SENP2: variants seen among roughly 807,000 people sequenced by gnomAD.
The protein encoded by SENP2 is SUMO specific peptidase 2, also known as sentrin-specific protease 2.
A neutral mutation model predicts 86.3 loss-of-function variants in SENP2; 16 were observed. That is an observed-to-expected ratio of 0.19 (90% CI 0.13 to 0.28). The LOEUF is 0.28. SENP2 is among the 10% of genes least tolerant of loss of function. The probability of loss-of-function intolerance (pLI) is 1.00; values close to 1 mark genes in which losing one functional copy is unlikely to be tolerated. For missense variants in SENP2, 552 were observed against 703.0 expected (o/e 0.79, Z 2.43); for synonymous variants, 222 against 238.7 (o/e 0.93, Z 0.64).
chr3:185,622,550 ATTATTT>A (rs891447767), intron 14 of SENP2, among the ~76,000 whole-genome samples: 4 of 152,156 alleles, frequency 2.6e-5, no homozygotes, highest in Non-Finnish European at 5.9e-5. Flanking sequence ...AGTATAAAAT[ATTATTT>A]TTATTTATGG....
chr3:185,592,011 C>G (rs75503055), intron 2 of SENP2, among the ~76,000 whole-genome samples: 2 of 65,804 alleles, frequency 3.0e-5, no homozygotes, highest in African/African-American at 5.8e-5. Context: ...GGTAATATTT[C>G]TTTTTTTTTT....
chr3:185,618,153 A>T (rs1242373852), intron 12 of SENP2, among the ~76,000 whole-genome samples: 1 of 152,186 alleles, frequency 6.6e-6, no homozygotes, highest in Non-Finnish European at 1.5e-5. Context: ...CATGTTGGTC[A>T]GGTTGGTCTC....
intron 15 of SENP2, 118 bp from the exon 16 acceptor site, chr3:185,626,180 C>G (rs1475840126): frequency 3.1e-6 from 2 of 642,058 alleles, no homozygotes; most frequent in Non-Finnish European, 5.4e-6. Context: ...TTAGGTAATA[C>G]CTGATTTAAT....
chr3:185,610,439 G>A (rs1722650459), intron 7 of SENP2, among the ~76,000 whole-genome samples: 1 of 152,090 alleles, frequency 6.6e-6, no homozygotes, highest in South Asian at 2.1e-4. Context: ...TGGGATTACA[G>A]GCGTGAGCCA....
chr3:185,627,265 C>A (rs1712193655), intron 16 of SENP2, among the ~76,000 whole-genome samples: 3 of 152,000 alleles, frequency 2.0e-5, no homozygotes, highest in Admixed American at 2.0e-4. Flanking sequence ...TCATTGGTTC[C>A]TGTGTATTAT....
chr3:185,611,636 T>C lies in SENP2; in HGVS notation c.723-15T>C. ...GCTTTTGTATCTGATCTCCCTCACT[T>C]TTTGTGTTTCTAAGTTCTCAAAGAA... On this transcript the variant is annotated splice_polypyrimidine_tract_variant and intron_variant, in intron 7 of 16. Transcript: ENST00000296257. 1.3e-6 allele frequency: 2 copies of C among 1,588,032 alleles called. No homozygotes were observed. The highest frequency in any genetic ancestry group is 1.7e-6 in the Non-Finnish European group (2 of 1,157,348).
chr3:185,617,075 A>G (rs1293568131), intron 11 of SENP2, among the ~76,000 whole-genome samples: 1 of 152,192 alleles, frequency 6.6e-6, no homozygotes, highest in East Asian at 1.9e-4. Flanking sequence ...TGTAAATATT[A>G]TTATTAAATT....
At chr3:185,592,141 C>T (rs1394493136) in intron 2 of SENP2, among the ~76,000 whole-genome samples, 5 of 148,540 alleles carry the variant, frequency 3.4e-5, no homozygotes, top group Admixed American at 2.8e-4. Context: ...TGCAGTGGCA[C>T]GATCGTAGCT....
Position 185,626,403 on chromosome 3 carries a change from G to A in SENP2, c.1707+10G>A, listed in dbSNP as rs1712146255. ...TATCACATTTACTCAGGTGAGTGAA[G>A]ACCCTCTTCATCCATTTACTTGTTA... On this transcript the variant is annotated intron_variant, in intron 16 of 16. Transcript: ENST00000296257. The A allele has an allele frequency of 1.3e-6, 2 of 1,555,884 alleles. No individual in the cohort carries two copies. The highest frequency in any genetic ancestry group is 1.7e-5 in the Admixed American group (1 of 59,244).
Position 185,617,474 on chromosome 3 carries a change from A to T in SENP2, c.1111-6A>T. 1 of 1,603,128 alleles carries T rather than the reference A, an allele frequency of 6.2e-7. No homozygotes were observed. Among genetic ancestry groups the T allele is most frequent in the Non-Finnish European group, 8.5e-7 (1 of 1,174,934 alleles). On this transcript the variant is annotated splice_region_variant and splice_polypyrimidine_tract_variant and intron_variant, in intron 11 of 16. Coordinates refer to ENST00000296257, the MANE Select transcript of SENP2 (RefSeq NM_021627.3). ...AAAATAGCAACTTCTGAACTTTCTAATTCAGGACATGGAAAAGGAAATCAG... is the reference window on the plus strand; with the variant it reads ...AAAATAGCAACTTCTGAACTTTCTATTTCAGGACATGGAAAAGGAAATCAG...
At chr3:185,623,826 C>CAAAAAAAAAAAAAAAAAAA (rs63707460) in intron 14 of SENP2, among the ~76,000 whole-genome samples, 172 bp from the exon 15 acceptor site, 6 of 47,782 alleles carry the variant, frequency 1.3e-4, no homozygotes, top group South Asian at 1.5e-3. Context: ...GACTCTGTCT[C>CAAAAAAAAAAAAAAAAAAA]AAAAAAAAAA....
At chr3:185,603,164 G>A (rs538807773) in intron 5 of SENP2, among the ~76,000 whole-genome samples, 3 of 151,550 alleles carry the variant, frequency 2.0e-5, no homozygotes, top group African/African-American at 4.8e-5. Context: ...CAACCGCCTC[G>A]GCCTCCCAAA....
At position 185,623,826 on chromosome 3, in the gene SENP2, CAAAAA is replaced by C. The variant is rs63707460; in HGVS notation, c.1527-152_1527-148del. Among the ~76,000 whole-genome samples the C allele has an allele frequency of 1.9e-4, 9 of 47,786 alleles. 1 individual carries two copies. The South Asian group carries it at 6.0e-3, about 32-fold the overall frequency. 31.3% of individuals were successfully genotyped at this position (47,786 alleles called of 152,430 possible). ...TGGGCGACAGAGCGAGACTCTGTCT[CAAAAA>C]AAAAAAAAAAAAAAAAAAATCCAGA... On this transcript the variant is annotated intron_variant, in intron 14 of 16. Coordinates refer to ENST00000296257, the MANE Select transcript of SENP2 (RefSeq NM_021627.3).
intron 12 of SENP2, among the ~76,000 whole-genome samples, chr3:185,618,374 C>T (rs1476660352): frequency 6.6e-6 from 1 of 152,160 alleles, no homozygotes; most frequent in Non-Finnish European, 1.5e-5. Flanking sequence ...CAAAAGCTAA[C>T]TCTTAAGTTC....
At chr3:185,623,935 A>G in intron 14 of SENP2, 63 bp from the exon 15 acceptor site, 1 of 941,582 alleles carries the variant, frequency 1.1e-6, no homozygotes, top group South Asian at 1.6e-5. Context: ...AGCCCTATGT[A>G]ACCATAATGG....
intron 6 of SENP2, chr3:185,608,946 A>G: frequency 4.7e-6 from 1 of 212,264 alleles, no homozygotes; most frequent in South Asian, 1.3e-4. Context: ...AGTTAACCTA[A>G]TTCTGTTCAA....
In SENP2 at chr3:185,619,473, A is replaced by G. The variant is rs754197997; in HGVS notation, c.1417A>G (p.Ile473Val). ...TGAACAAGAAATTATTCTGGTGCCT[A>G]TTCATCGGAAGGTACATTGGAGCCT... ...LFEQEIILVP[I>V]HRKVHWSLVV... is the part of the protein sequence containing the mutation. Residue 473 changes from isoleucine to valine, a missense_variant, in exon 13 of 17, where the codon ATT becomes GTT. By Grantham distance (29) the Ile-to-Val change is conservative. Around this residue, in one of 2 missense-constraint regions of SENP2, gnomAD observed 169 missense variants for 275.7 expected, o/e 0.61. Transcript: ENST00000296257. 10 of 1,614,152 alleles carry G rather than the reference A, an allele frequency of 6.2e-6. No individual in the cohort carries two copies. The highest frequency in any genetic ancestry group is 2.2e-5 in the East Asian group (1 of 44,870).
intron 5 of SENP2, 88 bp from the exon 6 acceptor site, chr3:185,606,242 A>G (rs1057199076): frequency 7.9e-6 from 10 of 1,264,486 alleles, no homozygotes; most frequent in Non-Finnish European, 8.7e-6. Flanking sequence ...ACCTAAAGCA[A>G]CTTAATCACA....
intron 6 of SENP2, 33 bp downstream of exon 6, chr3:185,606,531 A>T (rs760307528): frequency 4.1e-5 from 62 of 1,530,374 alleles, no homozygotes; most frequent in Non-Finnish European, 5.4e-5. Context: ...CTTTAAAAAA[A>T]ATTTTACAGC....
Sources: allele counts gnomAD v4.1 joint callset (sites outside exome capture counted in the v4.1 genomes callset), GRCh38; gene constraint gnomAD v4.1.1; regional missense constraint gnomAD v4.1.1; transcripts MANE v1.5; gene names NCBI Gene and HGNC (gene_info 2026-07-23, HGNC 2026-07-21).